CLCN6: variants seen among roughly 807,000 people sequenced by gnomAD.
CLCN6 encodes Cl-/H+ antiporter 6, also known as H(+)/Cl(-) exchange transporter 6.
A neutral mutation model predicts 109.8 loss-of-function variants in CLCN6; 70 were observed. The observed-to-expected ratio is 0.64, with a 90% CI of 0.53 to 0.78. The LOEUF is 0.78. Among genes scored for constraint, CLCN6 ranks in the 30% least tolerant of loss-of-function variants. The pLI is 0.00. For missense variants in CLCN6, 984 were observed against 1,142.3 expected, an observed-to-expected ratio of 0.86 and a Z score of 2.00; for synonymous variants, 444 against 447.8, an observed-to-expected ratio of 0.99 and a Z score of 0.11.
intron 2 of CLCN6, 74 bp downstream of exon 2, chr1:11,807,264 T>A: frequency 1.5e-6 from 2 of 1,332,182 alleles, no homozygotes; most frequent in East Asian, 2.3e-5. Flanking sequence ...AGCATTATGA[T>A]TCCAACCAGA....
At chr1:11,809,378 C>T (rs1445585529) in intron 2 of CLCN6, among the ~76,000 whole-genome samples, 1 of 152,184 alleles carries the variant, frequency 6.6e-6, no homozygotes, top group East Asian at 1.9e-4. Flanking sequence ...GGCTCCCTCA[C>T]CCCTTCTACT....
At chr1:11,823,274 T>C (rs1644768632) in intron 6 of CLCN6, among the ~76,000 whole-genome samples, 1 of 152,116 alleles carries the variant, frequency 6.6e-6, no homozygotes, top group Non-Finnish European at 1.5e-5. Flanking sequence ...CTGACCAGTG[T>C]AGAGAAACCC....
intron 10 of CLCN6, 45 bp downstream of exon 10, chr1:11,827,266 TAC>T (rs1644824856): frequency 6.3e-7 from 1 of 1,582,866 alleles, no homozygotes; most frequent in Admixed American, 1.8e-5. Context: ...CCCCCCGAAT[TAC>T]ACTGGGTGTC....
Position 11,828,115 on chromosome 1 carries a change from T to G in CLCN6, c.850T>G (p.Ser284Ala). Residue 284 changes from serine to alanine, a missense_variant, in exon 11 of 23, where the codon TCC becomes GCC. Ser to Ala is a moderately conservative substitution (Grantham distance 99, BLOSUM62 1). Transcript: ENST00000346436. Reference sequence around the variant, plus strand: ...GTCACCTCTCCCCTAGCTCTTTTGTTCCATGTCTGCCACCTTCACCCTCAA... The same window carrying G: ...GTCACCTCTCCCCTAGCTCTTTTGTGCCATGTCTGCCACCTTCACCCTCAA... ...QGLTWKVLFC[S>A]MSATFTLNFF... is the part of the protein sequence containing the mutation. 6.2e-7 allele frequency: 1 copy of G among 1,613,924 alleles called. No individual in the cohort carries two copies. The highest frequency in any genetic ancestry group is 8.5e-7 in the Non-Finnish European group (1 of 1,179,762).
intron 18 of CLCN6, among the ~76,000 whole-genome samples, 173 bp from the exon 19 acceptor site, chr1:11,836,826 G>C (rs1314258583): frequency 6.6e-6 from 1 of 152,138 alleles, no homozygotes; most frequent in Non-Finnish European, 1.5e-5. Flanking sequence ...AGGTCCTAGG[G>C]TTCAGGCTCA....
At chr1:11,822,825 C>T in intron 6 of CLCN6, 24 bp downstream of exon 6, 1 of 1,477,556 alleles carries the variant, frequency 6.8e-7, no homozygotes, top group Non-Finnish European at 9.5e-7. Context: ...GATTCACCTG[C>T]TCGCTTAGGA....
In CLCN6 at chr1:11,824,492, T is replaced by G; in HGVS notation, c.587T>G (p.Phe196Cys). ...CCTTTTTCACCCTGCCCAGGGCTCT[T>G]CGTGGAGAAGGAAGGCCCCATGATC... ...GVLFSVAGGLFVEKEGPMIHS... is the reference protein window; with the variant it reads ...GVLFSVAGGLCVEKEGPMIHS... Residue 196 changes from phenylalanine (F) to cysteine (C), a missense_variant, in exon 8 of 23, where the codon TTC (phenylalanine) becomes TGC (cysteine). Transcript: ENST00000346436. 1 of 1,613,764 alleles carries G rather than the reference T, an allele frequency of 6.2e-7. No homozygotes were observed. The highest frequency in any genetic ancestry group is 1.3e-5 in the African/African-American group (1 of 75,038).
intron 2 of CLCN6, among the ~76,000 whole-genome samples, chr1:11,811,210 A>T (rs1053367036): frequency 3.3e-5 from 5 of 150,284 alleles, no homozygotes; most frequent in Non-Finnish European, 5.9e-5. Flanking sequence ...GACCCTGACA[A>T]AAAAAAAAGG....
At chr1:11,835,047 T>C (rs1644927153) in intron 17 of CLCN6, among the ~76,000 whole-genome samples, 1 of 152,192 alleles carries the variant, frequency 6.6e-6, no homozygotes, top group African/African-American at 2.4e-5. Context: ...TGTGTCTAGA[T>C]AGCAGGCAAG....
At chr1:11,817,283 G>A (rs956176081) in intron 4 of CLCN6, among the ~76,000 whole-genome samples, 1 of 152,172 alleles carries the variant, frequency 6.6e-6, no homozygotes, top group African/African-American at 2.4e-5. Flanking sequence ...CGTGGGTACG[G>A]AACTGTGAAC....
chr1:11,835,217 A>G (rs189271528), intron 17 of CLCN6, among the ~76,000 whole-genome samples: 2 of 152,328 alleles, frequency 1.3e-5, no homozygotes, highest in East Asian at 1.9e-4. Context: ...TCAGTGGGCT[A>G]CAGTTTGCTG....
At position 11,814,307 on chromosome 1, in the gene CLCN6, A is replaced by G. The variant is rs1310486615; in HGVS notation, c.148-1539A>G. Reference sequence around the variant, plus strand: ...GTTGCCCAGGCTGGAGTGCAGTGGCATGATCTTGGCTGGCTCACTGCAACC... The same window carrying G: ...GTTGCCCAGGCTGGAGTGCAGTGGCGTGATCTTGGCTGGCTCACTGCAACC... On this transcript the variant is annotated intron_variant, in intron 2 of 22. Transcript: ENST00000346436. Among the ~76,000 whole-genome samples the G allele has an allele frequency of 2.1e-5, 3 of 144,658 alleles. No individual in the cohort carries two copies. In the East Asian group the frequency reaches 6.1e-4, roughly 30 times the overall value. 94.9% of individuals were successfully genotyped at this position (144,658 alleles called of 152,430 possible).
At position 11,834,444 on chromosome 1, in the gene CLCN6, C is replaced by T. The variant is rs770343959; in HGVS notation, c.1687-40C>T. 6.2e-7 allele frequency: 1 copy of T among 1,613,202 alleles called. No individual in the cohort carries two copies. The highest frequency in any genetic ancestry group is 8.5e-7 in the Non-Finnish European group (1 of 1,179,342). Reference sequence around the variant, plus strand: ...CTGTCAGGCTCAGGGCCACGTCCGCCCCACAGGACCTATTTTTAGGTCTTT... The same window carrying T: ...CTGTCAGGCTCAGGGCCACGTCCGCTCCACAGGACCTATTTTTAGGTCTTT... On this transcript the variant is annotated intron_variant, in intron 16 of 22. Transcript: ENST00000346436. The surrounding 1 kb of genome is among the most constrained non-coding windows in gnomAD (Gnocchi z 4.5).
At chr1:11,837,645 A>G in intron 20 of CLCN6, 146 bp downstream of exon 20, 2 of 776,456 alleles carry the variant, frequency 2.6e-6, no homozygotes. Flanking sequence ...AGGAGTCGCC[A>G]CAGCCGGGTG....
At position 11,827,317 on chromosome 1, in the gene CLCN6, G is replaced by GC. The variant is rs372917466; in HGVS notation, c.840+96_840+97insC. The stretch of plus-strand genomic sequence containing the variant: ...ATGGAATGGTAGTTTTGATGAGACT[G>GC]GGGGGTCAACTGGATCAGAAACAGC... On this transcript the variant is annotated intron_variant, in intron 10 of 22. Coordinates refer to ENST00000346436, the MANE Select transcript of CLCN6 (RefSeq NM_001286.5). The GC allele has an allele frequency of 1.4e-5, 16 of 1,183,740 alleles. No individual in the cohort carries two copies. The Admixed American group carries it at 1.9e-4, about 14-fold the overall frequency. 73.3% of individuals were successfully genotyped at this position (1,183,740 alleles called of 1,614,324 possible).
Position 11,838,459 on chromosome 1 carries a change from C to CG in CLCN6, c.2403+19dup. On this transcript the variant is annotated intron_variant, in intron 21 of 22. Transcript: ENST00000346436. ...ATGATCGTGGTGAGAAGGGCTGCCC[C>CG]GGCCTGTCCCATGCGGAGCTGCCTC... is the stretch of plus-strand genomic sequence containing the variant. 6.2e-7 allele frequency: 1 copy of CG among 1,613,138 alleles called. No homozygotes were observed. Among genetic ancestry groups the CG allele is most frequent in the Non-Finnish European group, 8.5e-7 (1 of 1,179,226 alleles).
At chr1:11,833,734 T>C (rs1041400896) in intron 14 of CLCN6, 96 bp downstream of exon 14, 3 of 1,578,036 alleles carry the variant, frequency 1.9e-6, no homozygotes, top group Non-Finnish European at 1.7e-6. Flanking sequence ...AGGACTTCTT[T>C]GTAACGCCCA....
intron 5 of CLCN6, chr1:11,820,295 A>G (rs1366449599): frequency 4.3e-6 from 3 of 694,280 alleles, no homozygotes; most frequent in Non-Finnish European, 5.4e-6. Flanking sequence ...CTTAAAAAAA[A>G]TGATGCTGGG....
At chr1:11,835,477 G>A (rs1424981374) in intron 17 of CLCN6, among the ~76,000 whole-genome samples, 1 of 152,146 alleles carries the variant, frequency 6.6e-6, no homozygotes, top group Non-Finnish European at 1.5e-5. Flanking sequence ...GTTTTGCTGT[G>A]TTGCCCAGGC....
Sources: allele counts gnomAD v4.1 joint callset (sites outside exome capture counted in the v4.1 genomes callset), GRCh38; gene constraint gnomAD v4.1.1; non-coding constraint Gnocchi (gnomAD v3.1); transcripts MANE v1.5; gene names NCBI Gene and HGNC (gene_info 2026-07-23, HGNC 2026-07-21).